SPON1: variants seen among roughly 807,000 people sequenced by gnomAD.
SPON1 encodes the protein spondin-1.
In SPON1, 52 loss-of-function variants were observed where a neutral mutation model predicts 111.7. That is an observed-to-expected ratio of 0.47 (90% CI 0.37 to 0.59). The LOEUF is 0.59. SPON1 is among the 20% of genes least tolerant of loss of function. The pLI, the probability that SPON1 is intolerant of heterozygous loss-of-function variation, is 0.00. For missense variants in SPON1, 957 were observed against 1,068.5 expected (o/e 0.90, Z 1.46); for synonymous variants, 410 against 395.8 (o/e 1.04, Z -0.43).
At chr11:13,979,758 G>T (rs1158364037) in intron 1 of SPON1, among the ~76,000 whole-genome samples, 1 of 152,156 alleles carries the variant, frequency 6.6e-6, no homozygotes, top group Non-Finnish European at 1.5e-5. Context: ...ATTAGTGCCA[G>T]GGTCACATTA....
intron 3 of SPON1, among the ~76,000 whole-genome samples, chr11:14,070,820 C>T (rs1285958461): frequency 6.6e-6 from 1 of 152,020 alleles, no homozygotes; most frequent in Non-Finnish European, 1.5e-5. Flanking sequence ...ATGAATAAAC[C>T]CTCCAAACAG....
At chr11:14,137,723 T>C (rs1296454717) in intron 6 of SPON1, among the ~76,000 whole-genome samples, 3 of 152,192 alleles carry the variant, frequency 2.0e-5, no homozygotes, top group African/African-American at 4.8e-5. Context: ...GTGAATTTCA[T>C]AGCATGGGGT....
intron 6 of SPON1, among the ~76,000 whole-genome samples, chr11:14,136,547 C>A (rs1847594136): frequency 1.3e-5 from 2 of 152,148 alleles, no homozygotes; most frequent in African/African-American, 4.8e-5. Flanking sequence ...GCAGGGCAAG[C>A]ACAGCTGAGG....
intron 2 of SPON1, among the ~76,000 whole-genome samples, chr11:13,999,259 G>A (rs11826276): frequency 6.6e-6 from 1 of 151,950 alleles, no homozygotes; most frequent in African/African-American, 2.4e-5. Context: ...CGTGTGTAAG[G>A]CATGTTCTAG....
intron 2 of SPON1, among the ~76,000 whole-genome samples, chr11:14,001,958 A>G (rs1554912496): frequency 1.3e-5 from 2 of 152,230 alleles, no homozygotes; most frequent in Non-Finnish European, 2.9e-5. Context: ...ACTATTATTA[A>G]TTGATCAACA....
intron 2 of SPON1, among the ~76,000 whole-genome samples, chr11:14,027,610 T>C (rs1395038017): frequency 6.6e-5 from 10 of 152,338 alleles, no homozygotes; most frequent in Non-Finnish European, 1.0e-4. Flanking sequence ...CATTAGTGTA[T>C]AAGAGACATT....
intron 6 of SPON1, among the ~76,000 whole-genome samples, chr11:14,172,768 T>A (rs1177609197): frequency 2.7e-4 from 41 of 151,654 alleles, no homozygotes; most frequent in South Asian, 1.5e-3. Flanking sequence ...GTTTGGCTGG[T>A]TATGAAATTC....
intron 1 of SPON1, among the ~76,000 whole-genome samples, chr11:13,975,271 G>A (rs1441279486): frequency 6.6e-6 from 1 of 152,056 alleles, no homozygotes; most frequent in Non-Finnish European, 1.5e-5. Flanking sequence ...TAGACCAAAT[G>A]CTCAGTAAAG....
intron 6 of SPON1, among the ~76,000 whole-genome samples, chr11:14,160,705 A>ATC (rs1370930681): frequency 6.5e-5 from 1 of 15,286 alleles, no homozygotes; most frequent in Non-Finnish European, 8.7e-5. Flanking sequence ...ATATTTATAT[A>ATC]TATTTATATA....
chr11:14,021,532 G>A (rs1554914800), intron 2 of SPON1, among the ~76,000 whole-genome samples: 1 of 152,152 alleles, frequency 6.6e-6, no homozygotes, highest in Non-Finnish European at 1.5e-5. Flanking sequence ...AAAGCACCAG[G>A]ATCCAGTCCC....
chr11:14,041,678 C>G, intron 3 of SPON1, 24 bp downstream of exon 3: 1 of 1,612,234 alleles, frequency 6.2e-7, no homozygotes. Flanking sequence ...GAATCCTTCC[C>G]TGCAGTTTAT....
At chr11:14,254,165 C>T (rs1554940917) in intron 7 of SPON1, among the ~76,000 whole-genome samples, 1 of 152,160 alleles carries the variant, frequency 6.6e-6, no homozygotes, top group African/African-American at 2.4e-5. Context: ...GGGAGATGAC[C>T]CCTCTGATGG....
intron 6 of SPON1, among the ~76,000 whole-genome samples, chr11:14,219,745 A>G (rs1848661206): frequency 6.6e-6 from 1 of 152,222 alleles, no homozygotes; most frequent in Non-Finnish European, 1.5e-5. Flanking sequence ...AGCCAGATCT[A>G]TTCCCATAAT....
At chr11:14,096,822 T>C (rs1441214505) in intron 5 of SPON1, among the ~76,000 whole-genome samples, 1 of 152,238 alleles carries the variant, frequency 6.6e-6, no homozygotes, top group African/African-American at 2.4e-5. Flanking sequence ...CTGTTTCCTG[T>C]GGGACTGAGA....
At chr11:14,036,910 A>G (rs200428154) in intron 2 of SPON1, among the ~76,000 whole-genome samples, 1 of 77,424 alleles carries the variant, frequency 1.3e-5, no homozygotes, top group Non-Finnish European at 3.8e-5. Flanking sequence ...TGGATTAAGC[A>G]TTGCAGAAGC....
intron 2 of SPON1, among the ~76,000 whole-genome samples, chr11:14,036,805 G>C (rs182162707): frequency 3.4e-4 from 52 of 152,208 alleles, no homozygotes; most frequent in African/African-American, 1.2e-3. Flanking sequence ...GGAGAGAGTG[G>C]ATGGGGGAAG....
chr11:14,203,370 G>A (rs1848484516), intron 6 of SPON1, among the ~76,000 whole-genome samples: 1 of 152,170 alleles, frequency 6.6e-6, no homozygotes, highest in African/African-American at 2.4e-5. Context: ...CTTGTCGTTA[G>A]GTGGGCTGCT....
chr11:14,189,751 T>A (rs1455695349), intron 6 of SPON1, among the ~76,000 whole-genome samples: 5 of 152,188 alleles, frequency 3.3e-5, no homozygotes, highest in Non-Finnish European at 7.3e-5. Flanking sequence ...GATGTCAAAG[T>A]TTATTTAGAA....
chr11:14,223,768 C>T (rs895524852), intron 6 of SPON1, among the ~76,000 whole-genome samples: 3 of 152,218 alleles, frequency 2.0e-5, no homozygotes, highest in Non-Finnish European at 4.4e-5. Flanking sequence ...TGTTCTTTGC[C>T]TCTCAAGAAT....
Sources: gnomAD v4.1 joint callset for allele counts (sites outside exome capture counted in the v4.1 genomes callset) on GRCh38, gnomAD v4.1.1 for gene constraint, MANE v1.5 for transcripts, NCBI Gene and HGNC (gene_info 2026-07-23, HGNC 2026-07-21) for gene names.